CFAP61: variants seen among roughly 807,000 people sequenced by gnomAD.
CFAP61 encodes the protein cilia and flagella associated protein 61.
A neutral mutation model predicts 135.6 loss-of-function variants in CFAP61; 107 were observed. The ratio of observed to expected loss-of-function variants is 0.79; its 90% CI spans 0.67 to 0.93. CFAP61 has a LOEUF of 0.93. Among genes scored for constraint, CFAP61 ranks in the 40% least tolerant of loss-of-function variants. The pLI is 0.00. For synonymous variants in CFAP61, 575 were observed against 578.5 expected, an observed-to-expected ratio of 0.99 and a Z score of 0.09; for missense variants, 1,507 against 1,556.2, an observed-to-expected ratio of 0.97 and a Z score of 0.53.
intron 2 of CFAP61, among the ~76,000 whole-genome samples, chr20:20,057,581 T>TA (rs1220369740): frequency 6.6e-6 from 1 of 152,242 alleles, no homozygotes; most frequent in Non-Finnish European, 1.5e-5. Context: ...CCGCTGCTGT[T>TA]AAAGTGTTCT....
chr20:20,065,858 A>G (rs74625123), intron 2 of CFAP61, among the ~76,000 whole-genome samples: 2,522 of 152,248 alleles, frequency 0.017, 66 homozygotes, highest in African/African-American at 0.057. Flanking sequence ...GCAGTTTGTG[A>G]GCAATGGATG....
intron 7 of CFAP61, among the ~76,000 whole-genome samples, chr20:20,094,033 G>A (rs1375789716): frequency 6.6e-6 from 1 of 152,138 alleles, no homozygotes; most frequent in East Asian, 1.9e-4. Flanking sequence ...TCCAGGTGGT[G>A]AAACACTCAT....
chr20:20,156,227 G>A (rs746565590), intron 9 of CFAP61, among the ~76,000 whole-genome samples: 62 of 152,054 alleles, frequency 4.1e-4, no homozygotes, highest in Non-Finnish European at 6.5e-4. Flanking sequence ...ACTGAGTAGG[G>A]TTTATTCTAG....
At chr20:20,173,347 A>G (rs2054369621) in intron 13 of CFAP61, among the ~76,000 whole-genome samples, 2 of 152,210 alleles carry the variant, frequency 1.3e-5, no homozygotes, top group African/African-American at 4.8e-5. Context: ...TTTACAAGAA[A>G]CTGTCAAACT....
At chr20:20,124,251 T>C (rs2049905096) in intron 8 of CFAP61, among the ~76,000 whole-genome samples, 1 of 151,702 alleles carries the variant, frequency 6.6e-6, no homozygotes, top group African/African-American at 2.4e-5. Context: ...GTCTGATTGC[T>C]CTGGTTAGGA....
At chr20:20,300,457 A>C (rs1445442903) in intron 25 of CFAP61, among the ~76,000 whole-genome samples, 1 of 152,206 alleles carries the variant, frequency 6.6e-6, no homozygotes, top group African/African-American at 2.4e-5. Context: ...CTGACCCTGC[A>C]GGCCTAGGCT....
intron 1 of CFAP61, chr20:20,052,814 G>A: frequency 7.8e-7 from 1 of 1,288,786 alleles, no homozygotes; most frequent in Non-Finnish European, 1.1e-6. Context: ...AGCATGCGAC[G>A]GGGCGAGCTG....
At chr20:20,263,313 G>A (rs2052420476) in intron 21 of CFAP61, among the ~76,000 whole-genome samples, 183 bp downstream of exon 21, 1 of 152,224 alleles carries the variant, frequency 6.6e-6, no homozygotes, top group Non-Finnish European at 1.5e-5. Flanking sequence ...TACCCAGCAT[G>A]TTTGCTGGGG....
chr20:20,199,930 G>A, intron 17 of CFAP61, 28 bp downstream of exon 17: 1 of 1,611,430 alleles, frequency 6.2e-7, no homozygotes, highest in Non-Finnish European at 8.5e-7. Flanking sequence ...AGGCAGGGCG[G>A]CGCGGTGCCA....
At chr20:20,262,157 C>T (rs775954988) in intron 20 of CFAP61, among the ~76,000 whole-genome samples, 1 of 152,198 alleles carries the variant, frequency 6.6e-6, no homozygotes, top group Non-Finnish European at 1.5e-5. Flanking sequence ...TTCCCATGTC[C>T]TCTTCCAGAG....
chr20:20,150,060 G>T (rs1294920410), intron 9 of CFAP61, among the ~76,000 whole-genome samples: 3 of 152,068 alleles, frequency 2.0e-5, no homozygotes, highest in Non-Finnish European at 4.4e-5. Flanking sequence ...AGCGAGACTG[G>T]CCTCACCAAC....
chr20:20,355,267 C>T (rs1169301643), intron 26 of CFAP61, among the ~76,000 whole-genome samples: 34 of 129,130 alleles, frequency 2.6e-4, no homozygotes, highest in Non-Finnish European at 4.8e-4. Flanking sequence ...GGTGGTCACA[C>T]TGTGAGGGGT....
At chr20:20,275,724 T>C (rs2053700893) in intron 21 of CFAP61, among the ~76,000 whole-genome samples, 1 of 152,242 alleles carries the variant, frequency 6.6e-6, no homozygotes, top group Admixed American at 6.5e-5. Flanking sequence ...TTGGCTTGCC[T>C]ATTTCAAAAG....
At chr20:20,193,981 G>C (rs898326554) in intron 15 of CFAP61, among the ~76,000 whole-genome samples, 5 of 152,124 alleles carry the variant, frequency 3.3e-5, no homozygotes, top group Non-Finnish European at 5.9e-5. Flanking sequence ...AATATAATCT[G>C]ATACCAACCT....
chr20:20,089,587 G>GC (rs2047037160), intron 6 of CFAP61, among the ~76,000 whole-genome samples: 1 of 136,156 alleles, frequency 7.3e-6, no homozygotes, highest in South Asian at 2.3e-4. Flanking sequence ...GAGTATCAGA[G>GC]AAAAAAAAAA....
chr20:20,322,974 C>A, intron 25 of CFAP61: 2 of 985,276 alleles, frequency 2.0e-6, no homozygotes, highest in Non-Finnish European at 2.4e-6. Flanking sequence ...TTAAAGTTAT[C>A]ATAATAATGA....
At chr20:20,270,647 AT>A (rs2053264317) in intron 21 of CFAP61, among the ~76,000 whole-genome samples, 1 of 150,868 alleles carries the variant, frequency 6.6e-6, no homozygotes, top group Non-Finnish European at 1.5e-5. Context: ...ATTAACATAA[AT>A]TGAAGAACTT....
intron 26 of CFAP61, among the ~76,000 whole-genome samples, chr20:20,353,601 G>A (rs547337966): frequency 8.5e-5 from 13 of 152,234 alleles, no homozygotes; most frequent in East Asian, 1.9e-4. Context: ...CCAGAAATAT[G>A]CTGTCGGAAC....
At chr20:20,235,856 G>A (rs529954557) in intron 18 of CFAP61, among the ~76,000 whole-genome samples, 53 of 152,184 alleles carry the variant, frequency 3.5e-4, no homozygotes, top group African/African-American at 1.2e-3. Flanking sequence ...GGTGGTCCTC[G>A]TTGCTGGGGA....
Sources: gnomAD v4.1 joint callset for allele counts (sites outside exome capture counted in the v4.1 genomes callset) on GRCh38, gnomAD v4.1.1 for gene constraint, MANE v1.5 for transcripts, NCBI Gene and HGNC (gene_info 2026-07-23, HGNC 2026-07-21) for gene names.